MBNL2: variants seen among roughly 807,000 people sequenced by gnomAD.
MBNL2 encodes the protein muscleblind like splicing regulator 2, also known as muscleblind-like protein 2.
A neutral mutation model predicts 41.9 loss-of-function variants in MBNL2; 17 were observed. That is an observed-to-expected ratio of 0.41 (90% CI 0.28 to 0.61). The LOEUF is 0.61. MBNL2 is among the 20% of genes least tolerant of loss of function. The pLI, the probability that MBNL2 is intolerant of heterozygous loss-of-function variation, is 0.35. For missense variants in MBNL2, 336 were observed against 505.6 expected (o/e 0.66, Z 3.22); for synonymous variants, 195 against 182.9 (o/e 1.07, Z -0.53).
At chr13:97,282,927 A>T (rs1347637910) in intron 2 of MBNL2, among the ~76,000 whole-genome samples, 1 of 152,248 alleles carries the variant, frequency 6.6e-6, no homozygotes, top group Non-Finnish European at 1.5e-5. Context: ...GAGAATGCAG[A>T]CATGAACAAA....
intron 1 of MBNL2, among the ~76,000 whole-genome samples, chr13:97,223,897 G>A (rs1462806681): frequency 6.6e-6 from 1 of 152,204 alleles, no homozygotes; most frequent in Non-Finnish European, 1.5e-5. Flanking sequence ...TTTCTGCTGT[G>A]TGTTCCTTTA....
intron 2 of MBNL2, among the ~76,000 whole-genome samples, chr13:97,309,543 C>G (rs2058402542): frequency 6.6e-6 from 1 of 152,140 alleles, no homozygotes; most frequent in Admixed American, 6.5e-5. Context: ...TTCCTCAGGG[C>G]CCTCAGAAGG....
intron 2 of MBNL2, among the ~76,000 whole-genome samples, chr13:97,276,618 G>A (rs2052191622): frequency 6.6e-6 from 1 of 152,090 alleles, no homozygotes; most frequent in Admixed American, 6.5e-5. Flanking sequence ...AAAAATACAT[G>A]ATGATGTATT....
chr13:97,261,258 C>G (rs1223639065), intron 1 of MBNL2, among the ~76,000 whole-genome samples: 1 of 152,158 alleles, frequency 6.6e-6, no homozygotes, highest in Non-Finnish European at 1.5e-5. Flanking sequence ...CCACTTCTGA[C>G]ATCATTCACT....
At chr13:97,235,661 C>T (rs1255013933) in intron 1 of MBNL2, among the ~76,000 whole-genome samples, 1 of 152,142 alleles carries the variant, frequency 6.6e-6, no homozygotes, top group Non-Finnish European at 1.5e-5. Flanking sequence ...GCAGCCTGTG[C>T]GCTTTGTCAG....
intron 1 of MBNL2, among the ~76,000 whole-genome samples, chr13:97,256,965 T>C (rs1458479491): frequency 6.6e-6 from 1 of 152,204 alleles, no homozygotes; most frequent in African/African-American, 2.4e-5. Context: ...TAAAAATTGT[T>C]TTGCATTTAT....
At chr13:97,233,961 AC>A (rs1358411891) in intron 1 of MBNL2, among the ~76,000 whole-genome samples, 1 of 152,130 alleles carries the variant, frequency 6.6e-6, no homozygotes, top group Non-Finnish European at 1.5e-5. Flanking sequence ...TTGGAGATCT[AC>A]CCAACTGACA....
chr13:97,211,553 A>G, the MBNL2 span, among the ~76,000 whole-genome samples: 1 of 152,226 alleles, frequency 6.6e-6, no homozygotes, highest in Non-Finnish European at 1.5e-5. Context: ...AGAGATCTAT[A>G]AAGCTGTGGC....
At chr13:97,352,918 T>C (rs1304632582) in intron 5 of MBNL2, among the ~76,000 whole-genome samples, 1 of 152,168 alleles carries the variant, frequency 6.6e-6, no homozygotes, top group African/African-American at 2.4e-5. Flanking sequence ...AAAGGAACAA[T>C]ACACCTAGTA....
the MBNL2 span, among the ~76,000 whole-genome samples, chr13:97,159,149 A>C: frequency 3.9e-5 from 6 of 152,236 alleles, no homozygotes; most frequent in East Asian, 5.8e-4. Context: ...ACCATTATGT[A>C]ATGGCCTTCT....
At chr13:97,217,662 T>C (rs1239552536), upstream of MBNL2, among the ~76,000 whole-genome samples, 2 of 152,110 alleles carry the variant, frequency 1.3e-5, no homozygotes, top group African/African-American at 4.8e-5. Context: ...AGGAAGGAAG[T>C]GACTTCAAGA....
chr13:97,312,512 T>C (rs2058700710), intron 2 of MBNL2, among the ~76,000 whole-genome samples: 1 of 152,180 alleles, frequency 6.6e-6, no homozygotes, highest in Non-Finnish European at 1.5e-5. Context: ...TCAGGATTAT[T>C]ATCATTGCAA....
intron 1 of MBNL2, among the ~76,000 whole-genome samples, chr13:97,250,725 G>T (rs2046347602): frequency 6.6e-6 from 1 of 152,102 alleles, no homozygotes; most frequent in South Asian, 2.1e-4. Flanking sequence ...TTAAGACAGA[G>T]CTGAGAAATC....
At chr13:97,248,685 A>C (rs1027735410) in intron 1 of MBNL2, among the ~76,000 whole-genome samples, 2 of 152,258 alleles carry the variant, frequency 1.3e-5, no homozygotes, top group Non-Finnish European at 2.9e-5. Flanking sequence ...AAGAATAATA[A>C]AATCAAGATA....
In MBNL2 at chr13:97,321,614, A is replaced by C. The variant is rs372455838; in HGVS notation, c.175-12662A>C. Among the ~76,000 whole-genome samples the C allele has an allele frequency of 1.7e-4, 26 of 152,324 alleles. No individual in the cohort carries two copies. The East Asian group carries it at 4.2e-3, about 25-fold the overall frequency. On this transcript the variant is annotated intron_variant, in intron 2 of 8. Coordinates refer to ENST00000679496, the MANE Select transcript of MBNL2 (RefSeq NM_001382683.1). Reference sequence around the variant, plus strand: ...TATTTAGCCCTGGTTGACTTTAACAACATGACCTGGAAATTACCTTAAATC... The same window carrying C: ...TATTTAGCCCTGGTTGACTTTAACACCATGACCTGGAAATTACCTTAAATC...
At chr13:97,142,555 C>T in the MBNL2 span, among the ~76,000 whole-genome samples, 4 of 152,212 alleles carry the variant, frequency 2.6e-5, no homozygotes, top group Non-Finnish European at 5.9e-5. Flanking sequence ...CCTACATATT[C>T]CACCTCCCCA....
intron 2 of MBNL2, among the ~76,000 whole-genome samples, chr13:97,287,721 C>CTTT (rs768809008): frequency 3.5e-4 from 40 of 114,892 alleles, no homozygotes; most frequent in African/African-American, 9.9e-4. Context: ...CTTTTCTTTT[C>CTTT]TTTTTTTTTT....
chr13:97,156,439 C>T, the MBNL2 span, among the ~76,000 whole-genome samples: 1 of 142,304 alleles, frequency 7.0e-6, no homozygotes, highest in Non-Finnish European at 1.5e-5. Context: ...GTTGCCATTG[C>T]TTTTGGTGTT....
intron 1 of MBNL2, among the ~76,000 whole-genome samples, chr13:97,229,571 A>T (rs2042108023): frequency 6.6e-6 from 1 of 152,204 alleles, no homozygotes; most frequent in Non-Finnish European, 1.5e-5. Flanking sequence ...TTCTGATAAG[A>T]ATGTATGATC....
Sources: gnomAD v4.1 joint callset for allele counts (sites outside exome capture counted in the v4.1 genomes callset) on GRCh38, gnomAD v4.1.1 for gene constraint, MANE v1.5 for transcripts, NCBI Gene and HGNC (gene_info 2026-07-23, HGNC 2026-07-21) for gene names.